The following ACSL3 variants were observed in gnomAD, a reference collection of about 807,000 sequenced individuals.
ACSL3 encodes the protein fatty acid CoA ligase Acsl3.
A neutral mutation model predicts 84.7 loss-of-function variants in ACSL3; 34 were observed. The observed-to-expected ratio is 0.40, with a 90% confidence interval of 0.31 to 0.53. The LOEUF (loss-of-function observed/expected upper bound fraction) is 0.53, where lower values mean the gene tolerates loss of function less well. Ranked by LOEUF, ACSL3 falls within the 20% of genes least tolerant of loss-of-function variation. The pLI is 0.48. For missense variants in ACSL3, 680 were observed against 873.1 expected (o/e 0.78, Z 2.79); for synonymous variants, 315 against 299.4 (o/e 1.05, Z -0.54).
intron 2 of ACSL3, among the ~76,000 whole-genome samples, chr2:222,891,110 G>A (rs1695835445): frequency 6.6e-6 from 1 of 152,210 alleles, no homozygotes; most frequent in Non-Finnish European, 1.5e-5. Flanking sequence ...TCATGAGCCA[G>A]GTTGATGTCA....
At chr2:222,920,423 G>A (rs114904179) in intron 7 of ACSL3, among the ~76,000 whole-genome samples, 1,959 of 152,252 alleles carry the variant, frequency 0.013, 50 homozygotes, top group African/African-American at 0.044. Flanking sequence ...CTTCTCAGCT[G>A]TTGTCCTTAG....
At chr2:222,880,976 A>G (rs1317174626) in intron 1 of ACSL3, among the ~76,000 whole-genome samples, 1 of 152,212 alleles carries the variant, frequency 6.6e-6, no homozygotes, top group East Asian at 1.9e-4. Context: ...TCTGCACACA[A>G]TAATGATTCT....
chr2:222,934,432 AAAAT>A, intron 15 of ACSL3, 94 bp from the exon 16 acceptor site: 1 of 1,034,640 alleles, frequency 9.7e-7, no homozygotes, highest in Non-Finnish European at 1.3e-6. Context: ...CATTTTAAAA[AAAAT>A]GAGGAGTTAT....
Position 222,926,757 on chromosome 2 carries a change from A to G in ACSL3, c.1293-260A>G, listed in dbSNP as rs1340986764. ...GGCCATAAGCAAGGGTTTTCCTGTC[A>G]CTATACAAAACTAAACCTGACAATT... On this transcript the variant is annotated intron_variant, in intron 11 of 16. Transcript: ENST00000357430. 2.6e-5 allele frequency among the ~76,000 whole-genome samples: 4 copies of G among 152,316 alleles called. No individual in the cohort carries two copies. The East Asian group carries it at 7.7e-4, about 29-fold the overall frequency.
At chr2:222,905,370 C>T (rs750493562) in intron 3 of ACSL3, among the ~76,000 whole-genome samples, 2 of 152,130 alleles carry the variant, frequency 1.3e-5, no homozygotes, top group African/African-American at 2.4e-5. Flanking sequence ...TATATTGCCC[C>T]GGCTGGTCTT....
chr2:222,866,229 T>C (rs1695135093), intron 1 of ACSL3, among the ~76,000 whole-genome samples: 4 of 151,978 alleles, frequency 2.6e-5, no homozygotes, highest in African/African-American at 9.7e-5. Flanking sequence ...CACTGTAAGC[T>C]CCGCTTCCCG....
At chr2:222,900,340 G>A (rs1233594357) in intron 2 of ACSL3, among the ~76,000 whole-genome samples, 1 of 152,000 alleles carries the variant, frequency 6.6e-6, no homozygotes. Flanking sequence ...CCATGGATTG[G>A]TTTCTTTTCA....
chr2:222,933,423 A>C (rs6726737), intron 15 of ACSL3, 143 bp downstream of exon 15: 174,226 of 561,702 alleles, frequency 0.31, 28,217 homozygotes, highest in Admixed American at 0.43. Flanking sequence ...TTCTCATTGC[A>C]GCCATTAGCT....
Position 222,927,054 on chromosome 2 carries a change from A to G in ACSL3, c.1330A>G (p.Asn444Asp), listed in dbSNP as rs771563917. The G allele has an allele frequency of 1.8e-5, 29 of 1,613,674 alleles. No homozygotes were observed. In the Admixed American group the frequency reaches 4.7e-4, roughly 26 times the overall value. Reference protein sequence around the residue: ...FRKVRSLLGGNIRLLLCGGAP... With the variant: ...FRKVRSLLGGDIRLLLCGGAP... The stretch of plus-strand genomic sequence containing the variant: ...GAAAGTTCGAAGCTTGCTAGGGGGA[A>G]ATATTCGTCTCCTGTTGTGTGGTGG... The change falls in exon 12 of 17, where the codon AAT (asparagine) becomes GAT (aspartate). Residue 444 changes from asparagine to aspartate, a missense_variant. By Grantham distance (23) the Asn-to-Asp change is conservative. This residue lies in a region of ACSL3 where 347 missense variants were observed against 525.7 expected (regional missense o/e 0.66). Transcript: ENST00000357430.
intron 4 of ACSL3, among the ~76,000 whole-genome samples, chr2:222,912,710 T>C (rs990247308): frequency 6.6e-6 from 1 of 152,068 alleles, no homozygotes; most frequent in African/African-American, 2.4e-5. Flanking sequence ...GATGAGTGGA[T>C]GAAAAAAGGC....
chr2:222,872,717 A>G lies in ACSL3; in HGVS notation c.-207+11459A>G, dbSNP rs1695337102. Among the ~76,000 whole-genome samples, 3 of 152,096 alleles carry G rather than the reference A, an allele frequency of 2.0e-5. No homozygotes were observed. In the South Asian group the frequency reaches 6.2e-4, roughly 32 times the overall value. ...GGTGCCGAGGGTGGGGAACCAGAGTAGGCTGTCTTGAGAGGCTTCTCTGAG... is the reference window on the plus strand; with the variant it reads ...GGTGCCGAGGGTGGGGAACCAGAGTGGGCTGTCTTGAGAGGCTTCTCTGAG... On this transcript the variant is annotated intron_variant, in intron 1 of 16. Transcript: ENST00000357430.
intron 7 of ACSL3, 106 bp from the exon 8 acceptor site, chr2:222,921,174 T>G (rs1018676775): frequency 7.8e-7 from 1 of 1,289,138 alleles, no homozygotes; most frequent in Non-Finnish European, 1.1e-6. Context: ...TTGAGTTAAA[T>G]TAACTCAATT....
intron 12 of ACSL3, 33 bp downstream of exon 12, chr2:222,927,222 G>C (rs754195765): frequency 1.3e-6 from 2 of 1,595,284 alleles, no homozygotes; most frequent in South Asian, 2.2e-5. Context: ...GCTGGAGTGT[G>C]ATGCCAGACG....
intron 4 of ACSL3, among the ~76,000 whole-genome samples, chr2:222,911,703 A>G (rs954495263): frequency 3.3e-5 from 5 of 152,252 alleles, no homozygotes; most frequent in Non-Finnish European, 7.3e-5. Flanking sequence ...TATGTGGTGA[A>G]TATGAAATTT....
chr2:222,869,659 A>G (rs1695249056), intron 1 of ACSL3, among the ~76,000 whole-genome samples: 1 of 151,814 alleles, frequency 6.6e-6, no homozygotes, highest in South Asian at 2.1e-4. Context: ...TAGCCAGGGA[A>G]TGGTCAGCTG....
At chr2:222,880,446 A>G (rs1450993490) in intron 1 of ACSL3, among the ~76,000 whole-genome samples, 3 of 152,138 alleles carry the variant, frequency 2.0e-5, no homozygotes, top group African/African-American at 7.2e-5. Context: ...TGAATGTTAT[A>G]TTACATGAAG....
chr2:222,908,170 A>G (rs1453961788), intron 3 of ACSL3, among the ~76,000 whole-genome samples: 1 of 152,236 alleles, frequency 6.6e-6, no homozygotes, highest in Non-Finnish European at 1.5e-5. Flanking sequence ...TGACCAAAGT[A>G]TACTGCTTTC....
intron 13 of ACSL3, among the ~76,000 whole-genome samples, chr2:222,929,149 T>C (rs562953022): frequency 6.6e-6 from 1 of 152,360 alleles, no homozygotes; most frequent in African/African-American, 2.4e-5. Context: ...ATTTTACTTA[T>C]TACGTAGATG....
At chr2:222,925,139 C>G (rs1049273447) in intron 11 of ACSL3, among the ~76,000 whole-genome samples, 1 of 152,030 alleles carries the variant, frequency 6.6e-6, no homozygotes, top group African/African-American at 2.4e-5. Flanking sequence ...GAATTCAAGA[C>G]CAGCCTGGCC....
Sources: gnomAD v4.1 joint callset for allele counts (sites outside exome capture counted in the v4.1 genomes callset) on GRCh38, gnomAD v4.1.1 for gene constraint, gnomAD v4.1.1 regional missense constraint, MANE v1.5 for transcripts, NCBI Gene and HGNC (gene_info 2026-07-23, HGNC 2026-07-21) for gene names.